DLC1: variants seen among roughly 807,000 people sequenced by gnomAD.
DLC1 encodes rho GTPase-activating protein 7.
DLC1 carries 54 observed loss-of-function variants against 140.3 expected under a neutral mutation model. The ratio of observed to expected loss-of-function variants is 0.38; its 90% CI spans 0.31 to 0.48. The LOEUF (loss-of-function observed/expected upper bound fraction) is 0.48, where lower values mean the gene tolerates loss of function less well. Ranked by LOEUF, DLC1 falls within the 20% of genes least tolerant of loss-of-function variation. DLC1 has a pLI of 0.96. For missense variants in DLC1, 2,536 were observed against 1,907.0 expected, an observed-to-expected ratio of 1.33 and a Z score of -6.14; for synonymous variants, 986 against 728.1, an observed-to-expected ratio of 1.35 and a Z score of -5.70.
rs180740814 is a variant in DLC1 at position 13,230,672 on chromosome 8, C to T, written c.1348+74597G>A. On this transcript the variant is annotated intron_variant, in intron 5 of 17. Coordinates refer to ENST00000276297, the MANE Select transcript of DLC1 (RefSeq NM_182643.3). ...AGTGTAGTGGTGTGATCTCAGCTCA[C>T]TGCAACCTCTACCTCCCAGGTTCAA... Among the ~76,000 whole-genome samples the T allele has an allele frequency of 3.0e-3, 450 of 150,334 alleles. 3 individuals are homozygous for T. The highest frequency in any genetic ancestry group is 0.013 in the Admixed American group (201 of 15,018).
rs1818942246 is a variant in DLC1, at chr8:13,100,320, T to A, written c.2017A>T (p.Ser673Cys). ...KTRSLLKRME[S>C]LKLKSSHHSK... ...TGATGGGAGCTCTTGAGCTTCAGGC[T>A]CTCCATCCGTTTCAGCAGACTGCGC... The change falls in exon 9 of 18, where the codon AGC (serine) becomes TGC (cysteine). Residue 673 changes from serine to cysteine, a missense_variant. Transcript: ENST00000276297. 3 of 1,614,168 alleles carry A rather than the reference T, an allele frequency of 1.9e-6. No homozygotes were observed. In the South Asian group the frequency reaches 3.3e-5, roughly 18 times the overall value.
chr8:13,576,566 C>T (rs1312813678), intron 1 of DLC1, among the ~76,000 whole-genome samples: 6 of 152,144 alleles, frequency 3.9e-5, no homozygotes, highest in South Asian at 2.1e-4. Context: ...CTGAGAGAGT[C>T]GATTGCTATT....
Position 13,474,250 on chromosome 8 carries a change from A to T in DLC1, c.1023+24799T>A, listed in dbSNP as rs568011206. Among the ~76,000 whole-genome samples, 3 of 152,194 alleles carry T rather than the reference A, an allele frequency of 2.0e-5. No homozygotes were observed. The South Asian group carries it at 6.2e-4, about 32-fold the overall frequency. ...CAGCTTGGGCTTCAGAGGGTACAAG[A>T]CCCAAGTCTTGGCAGCTTCCACATG... On this transcript the variant is annotated intron_variant, in intron 2 of 17. Transcript: ENST00000276297.
intron 5 of DLC1, among the ~76,000 whole-genome samples, chr8:13,193,246 G>C (rs1391512389): frequency 6.6e-6 from 1 of 152,092 alleles, no homozygotes; most frequent in Non-Finnish European, 1.5e-5. Flanking sequence ...CTTTTCAAAA[G>C]ACCATAACTT....
intron 1 of DLC1, among the ~76,000 whole-genome samples, chr8:13,566,233 G>C (rs1046150627): frequency 6.6e-6 from 1 of 152,156 alleles, no homozygotes; most frequent in Non-Finnish European, 1.5e-5. Context: ...GGGACTCGGA[G>C]GAGGAGGATA....
intron 5 of DLC1, among the ~76,000 whole-genome samples, chr8:13,206,775 G>A (rs940856342): frequency 6.6e-6 from 1 of 152,024 alleles, no homozygotes; most frequent in Non-Finnish European, 1.5e-5. Flanking sequence ...GAGGTAGGGA[G>A]TGGCCACAAA....
At chr8:13,474,956 C>G (rs973839772) in intron 2 of DLC1, among the ~76,000 whole-genome samples, 3 of 152,138 alleles carry the variant, frequency 2.0e-5, no homozygotes, top group African/African-American at 7.2e-5. Flanking sequence ...TCAGTTAATG[C>G]TCCACCACGC....
intron 5 of DLC1, among the ~76,000 whole-genome samples, chr8:13,298,433 CAGTA>C (rs1321026381): frequency 5.3e-5 from 8 of 152,284 alleles, no homozygotes; most frequent in South Asian, 2.1e-4. Flanking sequence ...AACTCTAAGT[CAGTA>C]AGATTATAGC....
intron 5 of DLC1, among the ~76,000 whole-genome samples, chr8:13,251,054 T>C (rs1173081589): frequency 6.6e-6 from 1 of 152,180 alleles, no homozygotes; most frequent in Non-Finnish European, 1.5e-5. Context: ...TGAAGGTTGG[T>C]ATCTGGTGAG....
At chr8:13,246,230 T>C (rs755274377) in intron 5 of DLC1, among the ~76,000 whole-genome samples, 1 of 152,196 alleles carries the variant, frequency 6.6e-6, no homozygotes, top group Non-Finnish European at 1.5e-5. Context: ...TACACATTTT[T>C]ATTTATGGAA....
In DLC1 at chr8:13,162,982, T is replaced by A. The variant is rs1489924219; in HGVS notation, c.1349-47325A>T. The stretch of plus-strand genomic sequence containing the variant: ...ACATACTTATCAAATTGACTGAGGA[T>A]CTTTCCTAAAGTCATTGCCATTGTC... On this transcript the variant is annotated intron_variant, in intron 5 of 17. Transcript: ENST00000276297. Among the ~76,000 whole-genome samples the A allele has an allele frequency of 2.0e-5, 3 of 152,266 alleles. No homozygotes were observed. The East Asian group carries it at 5.8e-4, about 29-fold the overall frequency.
rs569785728 is a variant in DLC1, at chr8:13,362,886, T to A, written c.1314+30667A>T. ...ACATGGCTGGCTTCTTCTCATCACT[T>A]AAGTGTTCCAGCATCCTAGAGAGGC... On this transcript the variant is annotated intron_variant, in intron 4 of 17. Coordinates refer to ENST00000276297, the MANE Select transcript of DLC1 (RefSeq NM_182643.3). 1.2e-4 allele frequency among the ~76,000 whole-genome samples: 19 copies of A among 152,296 alleles called. No individual in the cohort carries two copies. The East Asian group carries it at 3.7e-3, about 29-fold the overall frequency.
At chr8:13,288,848 A>G (rs918938875) in intron 5 of DLC1, among the ~76,000 whole-genome samples, 1 of 152,194 alleles carries the variant, frequency 6.6e-6, no homozygotes, top group Non-Finnish European at 1.5e-5. Flanking sequence ...ACTTGCATCA[A>G]CCCAGCTTAG....
At chr8:13,304,760 A>G (rs747270055) in intron 5 of DLC1, 8 of 954,098 alleles carry the variant, frequency 8.4e-6, no homozygotes, top group Admixed American at 1.2e-4. Context: ...TTCCCATAAT[A>G]CTGTTAAATA....
intron 4 of DLC1, among the ~76,000 whole-genome samples, chr8:13,389,001 C>T (rs1471981516): frequency 6.6e-6 from 1 of 151,996 alleles, no homozygotes; most frequent in Non-Finnish European, 1.5e-5. Flanking sequence ...CTGTGAATCC[C>T]TGTAAAGTAT....
intron 2 of DLC1, among the ~76,000 whole-genome samples, chr8:13,459,062 T>C (rs2117014518): frequency 6.6e-6 from 1 of 152,350 alleles, no homozygotes; most frequent in African/African-American, 2.4e-5. Flanking sequence ...TAATATTTAA[T>C]AATGAAATAT....
chr8:13,400,399 G>A (rs774993336), intron 3 of DLC1, among the ~76,000 whole-genome samples: 5 of 152,122 alleles, frequency 3.3e-5, no homozygotes, highest in Admixed American at 6.5e-5. Context: ...ATAACTTGAT[G>A]TTCCCAGAAA....
chr8:13,429,064 G>A (rs932533407), intron 2 of DLC1, among the ~76,000 whole-genome samples: 1 of 152,246 alleles, frequency 6.6e-6, no homozygotes, highest in East Asian at 1.9e-4. Context: ...GATGGTTTAC[G>A]ATTAAAGGGA....
intron 4 of DLC1, among the ~76,000 whole-genome samples, chr8:13,309,735 C>T (rs1478644052): frequency 3.3e-5 from 5 of 152,102 alleles, no homozygotes; most frequent in Non-Finnish European, 7.4e-5. Flanking sequence ...CTCAGATGGA[C>T]ACCTTTTAGG....
Sources: gnomAD v4.1 joint callset for allele counts (sites outside exome capture counted in the v4.1 genomes callset) on GRCh38, gnomAD v4.1.1 for gene constraint, MANE v1.5 for transcripts, NCBI Gene and HGNC (gene_info 2026-07-23, HGNC 2026-07-21) for gene names.